GNG7: variants seen among roughly 807,000 people sequenced by gnomAD.
The protein encoded by GNG7 is G protein subunit gamma 7, also known as guanine nucleotide-binding protein G(I)/G(S)/G(O) subunit gamma-7.
Under a neutral mutation model 4.0 loss-of-function variants are expected in GNG7, and 1 was observed. The ratio of observed to expected loss-of-function variants is 0.25; its 90% CI spans 0.09 to 1.18. The LOEUF (loss-of-function observed/expected upper bound fraction) is 1.18. Among genes scored for constraint, GNG7 ranks in the 50% most tolerant of loss-of-function variants. The pLI is 0.50. For synonymous variants in GNG7, 34 were observed against 36.9 expected, an observed-to-expected ratio of 0.92 and a Z score of 0.29; for missense variants, 86 against 91.9, an observed-to-expected ratio of 0.94 and a Z score of 0.26.
chr19:2,514,769 C>T lies in GNG7; in HGVS notation c.*253G>A. The T allele has an allele frequency of 3.0e-6, 1 of 334,348 alleles. No homozygotes were observed. Among genetic ancestry groups the T allele is most frequent in the East Asian group, 5.3e-5 (1 of 18,732 alleles). The allele number at this position is 334,348 out of a possible 1,614,324, so 20.7% of individuals were successfully genotyped here. A position where few individuals can be genotyped will look rare whatever the true frequency, so the allele number is the denominator to read the frequency against. On this transcript the variant is annotated 3_prime_UTR_variant, in exon 5 of 5. Transcript: ENST00000382159. ...CCGTAAAGCCTCCATCCCTTTTGGC[C>T]CAAACTGAGAGGGCCATGGGGTCGG...
rs1972684205 is a variant in GNG7, at chr19:2,513,456, G to A, written c.*1566C>T. Reference sequence around the variant, plus strand: ...GTGATGCCGGCAGGCCCTGGAAGATGTGGCTGCACCTGCTCCCGTCCGTGC... The same window carrying A: ...GTGATGCCGGCAGGCCCTGGAAGATATGGCTGCACCTGCTCCCGTCCGTGC... On this transcript the variant is annotated 3_prime_UTR_variant, in exon 5 of 5. Coordinates refer to ENST00000382159, the MANE Select transcript of GNG7 (RefSeq NM_052847.3). 4 of 954,442 alleles carry A rather than the reference G, an allele frequency of 4.2e-6. No homozygotes were observed. The highest frequency in any genetic ancestry group is 5.0e-6 in the Non-Finnish European group (4 of 801,712). The allele number at this position is 954,442 out of a possible 1,614,324, so 59.1% of individuals were successfully genotyped here.
intron 3 of GNG7, 114 bp from the exon 4 acceptor site, chr19:2,520,839 C>T (rs1978304429): frequency 1.7e-6 from 1 of 597,598 alleles, no homozygotes; most frequent in East Asian, 2.8e-5. Flanking sequence ...CACTTTGCCT[C>T]TGGGTGGGGA....
Position 2,514,968 on chromosome 19 carries a change from C to CAGAG in GNG7, c.*50_*53dup, listed in dbSNP as rs34865250. 1.4e-5 allele frequency: 17 copies of CAGAG among 1,238,724 alleles called. No individual in the cohort carries two copies. Among genetic ancestry groups the CAGAG allele is most frequent in the Middle Eastern group, 2.1e-4 (1 of 4,702 alleles). The allele number at this position is 1,238,724 out of a possible 1,614,324, so 76.7% of individuals were successfully genotyped here. On this transcript the variant is annotated 3_prime_UTR_variant, in exon 5 of 5. Coordinates refer to ENST00000382159, the MANE Select transcript of GNG7 (RefSeq NM_052847.3). ...GCCCTGCCTGAGACAGAGACAGAGA[C>CAGAG]AGAGAGAGAGAGAGAGAAAGAGAGA...
chr19:2,527,777 C>G (rs866130104), intron 3 of GNG7, among the ~76,000 whole-genome samples: 7 of 151,326 alleles, frequency 4.6e-5, no homozygotes, highest in Middle Eastern at 6.9e-3. Context: ...CCAGGAAACC[C>G]CCCCCCCCAC....
intron 1 of GNG7, among the ~76,000 whole-genome samples, chr19:2,659,169 C>T (rs1380616088): frequency 1.3e-5 from 2 of 151,974 alleles, no homozygotes; most frequent in Non-Finnish European, 2.9e-5. Context: ...CGAGGTTTCA[C>T]CGGGTTAGCC....
At chr19:2,561,975 G>A (rs1486382002) in intron 2 of GNG7, among the ~76,000 whole-genome samples, 2 of 152,122 alleles carry the variant, frequency 1.3e-5, no homozygotes, top group Non-Finnish European at 2.9e-5. Flanking sequence ...GCCCCGGGGC[G>A]ACCCGAGAAA....
chr19:2,602,511 G>C (rs1473565266), intron 2 of GNG7, among the ~76,000 whole-genome samples: 1 of 152,232 alleles, frequency 6.6e-6, no homozygotes, highest in Non-Finnish European at 1.5e-5. Context: ...AGAAGCAGCA[G>C]GTTCTGCCAG....
chr19:2,644,314 C>A (rs1982598844), intron 2 of GNG7, among the ~76,000 whole-genome samples: 1 of 84,222 alleles, frequency 1.2e-5, no homozygotes. Context: ...AGCCACTGCA[C>A]CCGGCCTACA....
chr19:2,567,878 C>G (rs915036502), intron 2 of GNG7, among the ~76,000 whole-genome samples: 1 of 152,120 alleles, frequency 6.6e-6, no homozygotes, highest in Non-Finnish European at 1.5e-5. Context: ...CCCATCTGTT[C>G]CCGGGCACCA....
At chr19:2,567,827 G>A (rs1046277714) in intron 2 of GNG7, among the ~76,000 whole-genome samples, 2 of 152,152 alleles carry the variant, frequency 1.3e-5, no homozygotes, top group African/African-American at 4.8e-5. Flanking sequence ...ACCAGACTCC[G>A]ACGGGGGCAG....
rs371598255 is a variant in GNG7, at chr19:2,634,121, T to C, written c.-78+12103A>G. 6.1e-3 allele frequency among the ~76,000 whole-genome samples: 929 copies of C among 152,326 alleles called. 2 individuals are homozygous for C. Among genetic ancestry groups the C allele is most frequent in the South Asian group, 0.011 (54 of 4,826 alleles). ...GAGTCCCAGGAGCTGGGGGTCCTCC[T>C]GGTTTACACCGTCTGCCCCACTGGG... On this transcript the variant is annotated intron_variant, in intron 2 of 4. Coordinates refer to ENST00000382159, the MANE Select transcript of GNG7 (RefSeq NM_052847.3). This position sits in a 1 kb window ranked among gnomAD's most constrained non-coding sequence, Gnocchi z 5.3.
At chr19:2,556,618 C>A (rs1979552898) in intron 2 of GNG7, among the ~76,000 whole-genome samples, 1 of 152,160 alleles carries the variant, frequency 6.6e-6, no homozygotes, top group Non-Finnish European at 1.5e-5. Flanking sequence ...GCATTGGAGG[C>A]CAAGGAAGCT....
At position 2,557,359 on chromosome 19, in the gene GNG7, A is replaced by G. The variant is rs1472074757; in HGVS notation, c.-77-2171T>C. On this transcript the variant is annotated intron_variant, in intron 2 of 4. Transcript: ENST00000382159. The surrounding 1 kb of genome is among the most constrained non-coding windows in gnomAD (Gnocchi z 5.1). ...CACACACATGTGCACACACACAGACACACACACACGTGCACGCACACATGC... is the reference window on the plus strand; with the variant it reads ...CACACACATGTGCACACACACAGACGCACACACACGTGCACGCACACATGC... Among the ~76,000 whole-genome samples, 1 of 140,592 alleles carries G rather than the reference A, an allele frequency of 7.1e-6. No homozygotes were observed. The highest frequency in any genetic ancestry group is 2.6e-5 in the African/African-American group (1 of 38,872). The allele number at this position is 140,592 out of a possible 152,430, so 92.2% of individuals were successfully genotyped here.
At chr19:2,623,891 A>G (rs1981945065) in intron 2 of GNG7, among the ~76,000 whole-genome samples, 1 of 152,134 alleles carries the variant, frequency 6.6e-6, no homozygotes. Flanking sequence ...AAAGAAAAGG[A>G]CAAATCTTGT....
chr19:2,576,211 C>A (rs1452403069), intron 2 of GNG7, among the ~76,000 whole-genome samples: 1 of 152,278 alleles, frequency 6.6e-6, no homozygotes, highest in African/African-American at 2.4e-5. Flanking sequence ...AGTTTCCCAA[C>A]CCACCGCAGT....
intron 1 of GNG7, among the ~76,000 whole-genome samples, chr19:2,668,771 G>A (rs924307565): frequency 2.0e-5 from 3 of 152,062 alleles, no homozygotes; most frequent in South Asian, 2.1e-4. Context: ...TTTGCACAGC[G>A]GGTTAGATAT....
chr19:2,648,043 A>AG (rs1402117017), intron 1 of GNG7, among the ~76,000 whole-genome samples: 1 of 150,882 alleles, frequency 6.6e-6, no homozygotes. Context: ...AAAAAAAAAA[A>AG]AAAAAAGCCA....
At position 2,546,482 on chromosome 19, in the gene GNG7, G is replaced by GA; in HGVS notation, c.-38+8666dup. Among the ~76,000 whole-genome samples the GA allele has an allele frequency of 6.6e-6, 1 of 152,378 alleles. No homozygotes were observed. The highest frequency in any genetic ancestry group is 2.1e-4 in the South Asian group (1 of 4,826). ...ATGGAAGGGAGGGCCGCACTGGCTG[G>GA]AAAATAGTGCCTTGTGACTGTCCCT... is the stretch of plus-strand genomic sequence containing the variant. On this transcript the variant is annotated intron_variant, in intron 3 of 4. Coordinates refer to ENST00000382159, the MANE Select transcript of GNG7 (RefSeq NM_052847.3). The surrounding 1 kb of genome is among the most constrained non-coding windows in gnomAD (Gnocchi z 6.3).
intron 1 of GNG7, among the ~76,000 whole-genome samples, chr19:2,698,211 G>A (rs986102661): frequency 1.3e-5 from 2 of 150,374 alleles, no homozygotes; most frequent in Non-Finnish European, 2.9e-5. Flanking sequence ...AGGTTGCAGT[G>A]AGCCGAGATC....
Sources: gnomAD v4.1 joint callset for allele counts (sites outside exome capture counted in the v4.1 genomes callset) on GRCh38, gnomAD v4.1.1 for gene constraint, Gnocchi (gnomAD v3.1) non-coding constraint, MANE v1.5 for transcripts, NCBI Gene and HGNC (gene_info 2026-07-23, HGNC 2026-07-21) for gene names.